The following ZNF705G variants were observed in gnomAD, a reference collection of about 807,000 sequenced individuals.
ZNF705G encodes the protein putative zinc finger protein 705G.
A neutral mutation model predicts 19.6 loss-of-function variants in ZNF705G; 23 were observed. The observed-to-expected ratio is 1.17, with a 90% CI of 0.84 to 1.66. The LOEUF (loss-of-function observed/expected upper bound fraction) is 1.66, where lower values mean the gene tolerates loss of function less well. ZNF705G is among the 40% of genes most tolerant of loss of function. The probability of loss-of-function intolerance (pLI) is 0.00; values close to 1 mark genes in which losing one functional copy is unlikely to be tolerated. For missense variants in ZNF705G, 457 were observed against 354.4 expected (o/e 1.29, Z -2.32); for synonymous variants, 146 against 117.7 (o/e 1.24, Z -1.56).
intron 2 of ZNF705G, among the ~76,000 whole-genome samples, chr8:7,367,552 G>C (rs1431265569): frequency 6.7e-6 from 1 of 149,524 alleles, no homozygotes; most frequent in Non-Finnish European, 1.5e-5. Flanking sequence ...ATTTCAAAGG[G>C]TAAGGAAAGC....
At chr8:7,366,397 G>C (rs546396370) in intron 2 of ZNF705G, among the ~76,000 whole-genome samples, 1 of 149,522 alleles carries the variant, frequency 6.7e-6, no homozygotes, top group Non-Finnish European at 1.5e-5. Flanking sequence ...TACAAAGTTT[G>C]TGTAACAGGA....
chr8:7,362,393 A>G (rs1238668017), intron 3 of ZNF705G, among the ~76,000 whole-genome samples: 2 of 149,574 alleles, frequency 1.3e-5, no homozygotes, highest in African/African-American at 2.6e-5. Context: ...TTTTCCCTCA[A>G]CACTGCACAG....
At chr8:7,359,930 A>G (rs540208654) in intron 5 of ZNF705G, among the ~76,000 whole-genome samples, 1 of 149,652 alleles carries the variant, frequency 6.7e-6, no homozygotes, top group African/African-American at 2.6e-5. Context: ...GATATCAGGC[A>G]GGTAAAAAGA....
intron 2 of ZNF705G, among the ~76,000 whole-genome samples, chr8:7,371,145 A>G (rs1216543941): frequency 1.4e-5 from 2 of 141,686 alleles, no homozygotes; most frequent in African/African-American, 5.6e-5. Flanking sequence ...CATAATAACG[A>G]AACCCTGTCA....
chr8:7,368,576 T>C (rs539091433), intron 2 of ZNF705G, among the ~76,000 whole-genome samples: 1 of 149,904 alleles, frequency 6.7e-6, no homozygotes, highest in African/African-American at 2.5e-5. Context: ...ACCACTGGTA[T>C]TGTCTGAAAT....
chr8:7,361,037 A>C (rs533257392), intron 4 of ZNF705G, 73 bp downstream of exon 4: 1 of 1,590,640 alleles, frequency 6.3e-7, no homozygotes, highest in African/African-American at 1.4e-5. Flanking sequence ...GATATGGGGA[A>C]GCTGTTTTAA....
At chr8:7,368,197 C>T (rs940072740) in intron 2 of ZNF705G, among the ~76,000 whole-genome samples, 3 of 149,594 alleles carry the variant, frequency 2.0e-5, no homozygotes, top group Non-Finnish European at 2.9e-5. Flanking sequence ...GGAGACACTC[C>T]CTGTTCAATC....
At position 7,360,320 on chromosome 8, in the gene ZNF705G, C is replaced by T. The variant is rs1196133599; in HGVS notation, c.152G>A (p.Ser51Asn). The change falls in exon 5 of 7, where the codon AGC (serine) becomes AAC (asparagine). Residue 51 changes from serine to asparagine, a missense_variant. Ser to Asn is a conservative substitution (Grantham distance 46). Coordinates refer to ENST00000400156, the MANE Select transcript of ZNF705G (RefSeq NM_001164457.3). The part of the protein sequence containing the change: ...SHLVSLGYQI[S>N]KSYIILQLEQ... ...CAGCTGCAAAATTATATAGGATTTGCTTATCTGGTACCCTGTTAGTGGAAA... is the reference window on the plus strand; with the variant it reads ...CAGCTGCAAAATTATATAGGATTTGTTTATCTGGTACCCTGTTAGTGGAAA... The T allele has an allele frequency of 6.9e-6, 11 of 1,588,918 alleles. No homozygotes were observed. The highest frequency in any genetic ancestry group is 9.3e-6 in the Non-Finnish European group (11 of 1,178,430).
intron 2 of ZNF705G, among the ~76,000 whole-genome samples, chr8:7,367,788 C>T (rs9720745): frequency 0.37 from 54,869 of 147,176 alleles, 5,438 homozygotes; most frequent in African/African-American, 0.5. Context: ...CCACTGTATG[C>T]CCTTCGGTCG....
Position 7,358,091 on chromosome 8 carries a change from T to C in ZNF705G, c.788A>G (p.Lys263Arg). 6.2e-7 allele frequency: 1 copy of C among 1,608,092 alleles called. No individual in the cohort carries two copies. Among genetic ancestry groups the C allele is most frequent in the Non-Finnish European group, 8.5e-7 (1 of 1,179,780 alleles). The stretch of plus-strand genomic sequence containing the variant: ...AAAGCCAGAGCTTTGACTAAAGGCT[T>C]TCCCACTTTTATCACATTCATAACA... ...KKCYECDKSG[K>R]AFSQSSGFRG... is the part of the protein sequence containing the mutation. The change falls in exon 7 of 7, where the codon AAA (lysine) becomes AGA (arginine). Residue 263 changes from lysine (K) to arginine (R), a missense_variant. Coordinates refer to ENST00000400156, the MANE Select transcript of ZNF705G (RefSeq NM_001164457.3).
rs1170071719 is a variant in ZNF705G, at chr8:7,383,767, G to A, written c.-222+1731C>T. Among the ~76,000 whole-genome samples, 2 of 148,986 alleles carry A rather than the reference G, an allele frequency of 1.3e-5. 1 individual carries two copies. The highest frequency in any genetic ancestry group is 4.2e-4 in the South Asian group (2 of 4,760). On this transcript the variant is annotated intron_variant, in intron 1 of 6. Transcript: ENST00000400156. ...ACCTTTCACCACATAACAACACAGAGAAGGAAGCGAGCTCTCTCCAGACAC... is the reference window on the plus strand; with the variant it reads ...ACCTTTCACCACATAACAACACAGAAAAGGAAGCGAGCTCTCTCCAGACAC...
At chr8:7,379,446 T>C (rs1192266785) in intron 2 of ZNF705G, among the ~76,000 whole-genome samples, 1 of 147,218 alleles carries the variant, frequency 6.8e-6, no homozygotes, top group Admixed American at 6.6e-5. Context: ...GGAGGCGGTC[T>C]TCAAGATGGC....
At chr8:7,382,606 G>T (rs1224489110) in intron 1 of ZNF705G, among the ~76,000 whole-genome samples, 2 of 146,422 alleles carry the variant, frequency 1.4e-5, no homozygotes, top group Admixed American at 6.6e-5. Context: ...TGTAAGGGCA[G>T]CTATTTTAAA....
At chr8:7,365,751 T>A (rs1411717448) in intron 2 of ZNF705G, among the ~76,000 whole-genome samples, 1 of 149,500 alleles carries the variant, frequency 6.7e-6, no homozygotes, top group African/African-American at 2.6e-5. Flanking sequence ...CCCGTAAAAA[T>A]TAAGAGGCCG....
chr8:7,361,808 A>T (rs1283778455), intron 3 of ZNF705G, among the ~76,000 whole-genome samples: 1 of 149,370 alleles, frequency 6.7e-6, no homozygotes, highest in Non-Finnish European at 1.5e-5. Flanking sequence ...TTCATTAAAA[A>T]GTTAGAAAGT....
In ZNF705G at chr8:7,378,712, T is replaced by C. The variant is rs1173635290; in HGVS notation, c.-72+2740A>G. The stretch of plus-strand genomic sequence containing the variant: ...TCAAAGCCAGCAACGGAGCGTTGAG[T>C]CCTCACATTCCATCATTCTGAATTC... On this transcript the variant is annotated intron_variant, in intron 2 of 6. Transcript: ENST00000400156. Among the ~76,000 whole-genome samples the C allele has an allele frequency of 5.0e-5, 7 of 139,854 alleles. No homozygotes were observed. The East Asian group carries it at 1.4e-3, about 28-fold the overall frequency. 91.7% of individuals were successfully genotyped at this position (139,854 alleles called of 152,430 possible).
Position 7,357,998 on chromosome 8 carries a change from C to T in ZNF705G, c.881G>A (p.Ser294Asn), listed in dbSNP as rs200709012. The T allele has an allele frequency of 1.2e-6, 2 of 1,609,194 alleles. No individual in the cohort carries two copies. The highest frequency in any genetic ancestry group is 1.7e-6 in the Non-Finnish European group (2 of 1,179,784). The change falls in exon 7 of 7, where the codon AGT (serine) becomes AAT (asparagine). Residue 294 changes from serine (S) to asparagine (N), a missense_variant. Ser to Asn is a conservative substitution (Grantham distance 46). Coordinates refer to ENST00000400156, the MANE Select transcript of ZNF705G (RefSeq NM_001164457.3). The part of the protein sequence containing the change: ...HACLLCGKAF[S>N]LSSNLR Reference sequence around the variant, plus strand: ...ATGTCATCTAAGGTTGGAAGACAGACTGAAGGCCTTCCCACATAGAAGACA... The same window carrying T: ...ATGTCATCTAAGGTTGGAAGACAGATTGAAGGCCTTCCCACATAGAAGACA...
chr8:7,380,384 A>C (rs9720218), intron 2 of ZNF705G, among the ~76,000 whole-genome samples: 3 of 147,590 alleles, frequency 2.0e-5, no homozygotes, highest in East Asian at 1.9e-4. Context: ...CTTCTTGTGA[A>C]CTGAGTATGA....
Position 7,359,605 on chromosome 8 carries a change from G to C in ZNF705G, c.318+14C>G, listed in dbSNP as rs1262849401. The C allele has an allele frequency of 6.2e-7, 1 of 1,605,878 alleles. No individual in the cohort carries two copies. The highest frequency in any genetic ancestry group is 1.7e-5 in the Admixed American group (1 of 59,848). On this transcript the variant is annotated intron_variant, in intron 6 of 6. Transcript: ENST00000400156. ...TTAACTTAGATGACTGGTGTACACA[G>C]CTATAAAACTTACCATTGTCATACT...
Sources: allele counts gnomAD v4.1 joint callset (sites outside exome capture counted in the v4.1 genomes callset), GRCh38; gene constraint gnomAD v4.1.1; transcripts MANE v1.5; gene names NCBI Gene and HGNC (gene_info 2026-07-23, HGNC 2026-07-21).